The following CSMD1 variants were observed in gnomAD, a reference collection of about 807,000 sequenced individuals.
CSMD1 encodes CUB and sushi domain-containing protein 1.
CSMD1 carries 213 observed loss-of-function variants against 417.5 expected under a neutral mutation model. That is an observed-to-expected ratio of 0.51 (90% CI 0.46 to 0.57). CSMD1 has a LOEUF of 0.57. Among genes scored for constraint, CSMD1 ranks in the 20% least tolerant of loss-of-function variants. CSMD1 has a pLI of 0.00. For synonymous variants in CSMD1, 2,862 were observed against 1,736.8 expected (o/e 1.65, Z -16.11); for missense variants, 6,923 against 4,529.7 (o/e 1.53, Z -15.17).
chr8:4,914,244 G>C (rs74685773), intron 1 of CSMD1, among the ~76,000 whole-genome samples: 2,310 of 152,252 alleles, frequency 0.015, 30 homozygotes, highest in African/African-American at 0.037. Context: ...AATTATGCAA[G>C]TGAGTGTGCA....
Position 4,154,773 on chromosome 8 carries a change from C to G in CSMD1, c.416-122674G>C, listed in dbSNP as rs140148316. ...ATATCCCCGTAAGATATGAATATCA[C>G]TGATCACAGAGAAAATAAGAGAAAG... On this transcript the variant is annotated intron_variant, in intron 3 of 69. Coordinates refer to ENST00000635120, the MANE Select transcript of CSMD1 (RefSeq NM_033225.6). Among the ~76,000 whole-genome samples, 243 of 152,112 alleles carry G rather than the reference C, an allele frequency of 1.6e-3. 4 individuals carry two copies. The East Asian group carries it at 0.021, about 13-fold the overall frequency.
intron 5 of CSMD1, among the ~76,000 whole-genome samples, chr8:3,960,661 G>C (rs970923392): frequency 6.6e-6 from 1 of 151,856 alleles, no homozygotes; most frequent in African/African-American, 2.4e-5. Flanking sequence ...TATAAATCAA[G>C]AAGTTATGAT....
At chr8:4,024,625 C>A (rs567242473) in intron 4 of CSMD1, among the ~76,000 whole-genome samples, 15 of 152,266 alleles carry the variant, frequency 9.9e-5, no homozygotes, top group Non-Finnish European at 2.1e-4. Flanking sequence ...CTTTGAGGTA[C>A]AAGCAGGATC....
At chr8:4,873,390 C>T (rs114885686) in intron 1 of CSMD1, among the ~76,000 whole-genome samples, 4 of 152,066 alleles carry the variant, frequency 2.6e-5, no homozygotes, top group Non-Finnish European at 4.4e-5. Flanking sequence ...AGGAGAGACT[C>T]CCGGACACTC....
chr8:4,080,658 A>G (rs1335028987), intron 3 of CSMD1, among the ~76,000 whole-genome samples: 1 of 152,236 alleles, frequency 6.6e-6, no homozygotes, highest in East Asian at 1.9e-4. Flanking sequence ...ACGACAAGAC[A>G]AAAGTAACAG....
intron 18 of CSMD1, among the ~76,000 whole-genome samples, chr8:3,373,953 T>G (rs1410367168): frequency 0.013 from 6 of 462 alleles, no homozygotes; most frequent in African/African-American, 0.022. Flanking sequence ...CATCCAACTA[T>G]TTTTTTTTTT....
At chr8:4,227,522 T>C (rs568251114) in intron 3 of CSMD1, among the ~76,000 whole-genome samples, 1 of 152,060 alleles carries the variant, frequency 6.6e-6, no homozygotes, top group African/African-American at 2.4e-5. Flanking sequence ...ATCCACACAT[T>C]ATAGACCTAA....
chr8:3,653,846 T>C (rs1333414800), intron 7 of CSMD1, among the ~76,000 whole-genome samples: 3 of 152,310 alleles, frequency 2.0e-5, no homozygotes, highest in African/African-American at 7.2e-5. Context: ...TATATATTTA[T>C]CTTCATTTAC....
At chr8:4,593,892 AT>A (rs1490158093) in intron 2 of CSMD1, among the ~76,000 whole-genome samples, 1 of 152,190 alleles carries the variant, frequency 6.6e-6, no homozygotes, top group Non-Finnish European at 1.5e-5. Context: ...AGCAACAGGA[AT>A]TTATTGTCTC....
Position 2,982,173 on chromosome 8 carries a change from C to T in CSMD1, c.8378-3373G>A, listed in dbSNP as rs541093460. Among the ~76,000 whole-genome samples, 5 of 152,108 alleles carry T rather than the reference C, an allele frequency of 3.3e-5. No homozygotes were observed. In the East Asian group the frequency reaches 9.7e-4, roughly 30 times the overall value. On this transcript the variant is annotated intron_variant, in intron 54 of 69. Transcript: ENST00000635120. ...GAGTTCGAGACCAGCCTGGCCAACA[C>T]GGCGAAACCCCATCTCTATTAAAAA...
intron 3 of CSMD1, among the ~76,000 whole-genome samples, chr8:4,050,464 C>A (rs984344621): frequency 2.0e-5 from 3 of 152,000 alleles, no homozygotes; most frequent in South Asian, 4.1e-4. Context: ...TATTTTGATA[C>A]AGGCATACGA....
intron 1 of CSMD1, among the ~76,000 whole-genome samples, chr8:4,790,935 G>C (rs753837431): frequency 1.3e-5 from 2 of 152,080 alleles, no homozygotes; most frequent in African/African-American, 4.8e-5. Context: ...AAGACTTAAC[G>C]GCAAAGACTC....
At chr8:4,772,061 A>C (rs974233310) in intron 1 of CSMD1, among the ~76,000 whole-genome samples, 4 of 152,338 alleles carry the variant, frequency 2.6e-5, no homozygotes, top group African/African-American at 7.2e-5. Context: ...AAAACCAGGT[A>C]TCGGCAGGCT....
At chr8:4,412,920 A>G (rs183428525) in intron 3 of CSMD1, among the ~76,000 whole-genome samples, 34 of 152,112 alleles carry the variant, frequency 2.2e-4, no homozygotes, top group African/African-American at 8.0e-4. Context: ...ATCAGATAAA[A>G]GAAAAGTTGA....
intron 1 of CSMD1, among the ~76,000 whole-genome samples, chr8:4,921,011 G>A (rs59605681): frequency 2.1e-3 from 20 of 9,310 alleles, no homozygotes; most frequent in Admixed American, 6.2e-3. Flanking sequence ...AAGAAAGAAA[G>A]AAAAGAAAGA....
chr8:3,380,233 G>T (rs942427209), intron 18 of CSMD1, among the ~76,000 whole-genome samples: 2 of 152,148 alleles, frequency 1.3e-5, no homozygotes, highest in Non-Finnish European at 2.9e-5. Context: ...AAAAAGTCAG[G>T]AAACAACAGA....
chr8:4,147,010 G>A (rs570267509), intron 3 of CSMD1, among the ~76,000 whole-genome samples: 306 of 151,876 alleles, frequency 2.0e-3, no homozygotes, highest in Non-Finnish European at 3.3e-3. Flanking sequence ...TCCACTCAGA[G>A]GCCAGGAGAG....
chr8:4,456,987 A>ATTT (rs1167621798), intron 2 of CSMD1, among the ~76,000 whole-genome samples: 76 of 133,638 alleles, frequency 5.7e-4, no homozygotes, highest in East Asian at 2.4e-3. Flanking sequence ...TTTTTTTTTA[A>ATTT]AAAAAAAAAA....
rs142986880 is a variant in CSMD1 at position 3,287,797 on chromosome 8, C to T, written c.3951-3451G>A. ...TTCCTAATTGAATACTCTTTATTTC[C>T]TCCAGCTGCCTGATTGCCCTGGCCA... is the stretch of plus-strand genomic sequence containing the variant. On this transcript the variant is annotated intron_variant, in intron 25 of 69. Coordinates refer to ENST00000635120, the MANE Select transcript of CSMD1 (RefSeq NM_033225.6). 1.3e-3 allele frequency among the ~76,000 whole-genome samples: 198 copies of T among 151,846 alleles called. 1 individual carries two copies. The highest frequency in any genetic ancestry group is 4.5e-3 in the African/African-American group (184 of 41,254).
Sources: gnomAD v4.1 joint callset for allele counts (sites outside exome capture counted in the v4.1 genomes callset) on GRCh38, gnomAD v4.1.1 for gene constraint, MANE v1.5 for transcripts, NCBI Gene and HGNC (gene_info 2026-07-23, HGNC 2026-07-21) for gene names.